ITK: variants seen among roughly 807,000 people sequenced by gnomAD.
ITK encodes the protein IL2 inducible T cell kinase.
A neutral mutation model predicts 87.6 loss-of-function variants in ITK; 45 were observed. That is an observed-to-expected ratio of 0.51 (90% CI 0.40 to 0.66). The LOEUF (loss-of-function observed/expected upper bound fraction) is 0.66. Ranked by LOEUF, ITK falls within the 30% of genes least tolerant of loss-of-function variation. The pLI is 0.00. For missense variants in ITK, 605 were observed against 766.3 expected (o/e 0.79, Z 2.48); for synonymous variants, 303 against 273.6 (o/e 1.11, Z -1.06).
At position 157,214,198 on chromosome 5, in the gene ITK, G is replaced by T; in HGVS notation, c.333G>T (p.Arg111Ser). Residue 111 changes from arginine to serine, a missense_variant, in exon 4 of 17, where the codon AGG becomes AGT. Physicochemically the swap from Arg to Ser is moderately radical, Grantham distance 110 (BLOSUM62 -1). Around this residue, in one of 3 missense-constraint regions of ITK, gnomAD observed 464 missense variants for 578.0 expected, o/e 0.80. Transcript: ENST00000422843. Reference protein sequence around the residue: ...RWVLALKEETRNNNSLVPKYH... With the variant: ...RWVLALKEETSNNNSLVPKYH... The stretch of plus-strand genomic sequence containing the variant: ...GGTGCCAACCTGTTTCAGAAACGAG[G>T]AATAATAACAGTTTGGTGCCTAAAT... The T allele has an allele frequency of 6.2e-7, 1 of 1,612,288 alleles. No homozygotes were observed. Among genetic ancestry groups the T allele is most frequent in the Non-Finnish European group, 8.5e-7 (1 of 1,178,356 alleles).
Position 157,208,949 on chromosome 5 carries a change from A to G in ITK, c.199A>G (p.Lys67Glu). ...CCGAATCAAATGTGTTGAGATTGTG[A>G]AAAGTGACATCAGCATCCCATGCCA... ...LSRIKCVEIV[K>E]SDISIPCHYK... Residue 67 changes from lysine (K) to glutamate (E), a missense_variant, in exon 2 of 17, where the codon AAA becomes GAA. Lys to Glu is a moderately conservative substitution (Grantham distance 56). This residue lies in a region of ITK where 464 missense variants were observed against 578.0 expected (regional missense o/e 0.80). Transcript: ENST00000422843. The G allele has an allele frequency of 6.2e-7, 1 of 1,614,064 alleles. No individual in the cohort carries two copies. Among genetic ancestry groups the G allele is most frequent in the Non-Finnish European group, 8.5e-7 (1 of 1,179,930 alleles).
At position 157,253,612 on chromosome 5, in the gene ITK, A is replaced by G. The variant is rs1580914734; in HGVS notation, c.*934A>G. The stretch of plus-strand genomic sequence containing the variant: ...AACATCCTTTTTTCCAGCCTCTGGG[A>G]ATCAGCCCCCCCTCTCTGCACTATC... On this transcript the variant is annotated 3_prime_UTR_variant, in exon 17 of 17. Coordinates refer to ENST00000422843, the MANE Select transcript of ITK (RefSeq NM_005546.4). 1 of 228,916 alleles carries G rather than the reference A, an allele frequency of 4.4e-6. No homozygotes were observed. Among genetic ancestry groups the G allele is most frequent in the Admixed American group, 5.7e-5 (1 of 17,622 alleles). 14.2% of individuals were successfully genotyped at this position (228,916 alleles called of 1,614,324 possible). A position where few individuals can be genotyped will look rare whatever the true frequency, so the allele number is the denominator to read the frequency against.
intron 1 of ITK, among the ~76,000 whole-genome samples, chr5:157,196,349 T>G (rs1382853388): frequency 6.6e-6 from 1 of 152,200 alleles, no homozygotes; most frequent in African/African-American, 2.4e-5. Context: ...TATGTTTTGA[T>G]CTTTGCTAAT....
intron 1 of ITK, among the ~76,000 whole-genome samples, chr5:157,204,341 G>A (rs1287731024): frequency 6.6e-6 from 1 of 151,998 alleles, no homozygotes; most frequent in African/African-American, 2.4e-5. Context: ...CGGGCAGATT[G>A]CCTGAGCTCA....
At position 157,252,813 on chromosome 5, in the gene ITK, A is replaced by C. The variant is rs1755169760; in HGVS notation, c.*135A>C. ...GCCTGGCCTGTGGCATCAGTCCCTG[A>C]GTCACCATGGAAGCAGCATCCTGAC... On this transcript the variant is annotated 3_prime_UTR_variant, in exon 17 of 17. Transcript: ENST00000422843. 1.4e-6 allele frequency: 1 copy of C among 737,126 alleles called. No homozygotes were observed. The highest frequency in any genetic ancestry group is 1.9e-5 in the Admixed American group (1 of 51,580). 45.7% of individuals were successfully genotyped at this position (737,126 alleles called of 1,614,324 possible). A position where few individuals can be genotyped will look rare whatever the true frequency, so the allele number is the denominator to read the frequency against.
intron 5 of ITK, among the ~76,000 whole-genome samples, chr5:157,221,020 G>A (rs1436804545): frequency 6.6e-6 from 1 of 151,744 alleles, no homozygotes; most frequent in Non-Finnish European, 1.5e-5. Flanking sequence ...CACCACACCT[G>A]GCTAACTTTT....
At chr5:157,214,058 A>C (rs1754247740) in intron 3 of ITK, 133 bp from the exon 4 acceptor site, 1 of 785,046 alleles carries the variant, frequency 1.3e-6, no homozygotes, top group Non-Finnish European at 2.3e-6. Context: ...AGATCAACCC[A>C]TGCTTCTGAG....
At chr5:157,240,529 G>T (rs1754869251) in intron 10 of ITK, 1 of 382,268 alleles carries the variant, frequency 2.6e-6, no homozygotes, top group Non-Finnish European at 4.9e-6. Context: ...GGGCACCTGG[G>T]TTAGACTTTT....
Position 157,245,401 on chromosome 5 carries a change from TC to T in ITK, c.1450-323del, listed in dbSNP as rs1755001379. The stretch of plus-strand genomic sequence containing the variant: ...TTTAGTCAACTGGGAGATGCTTTCT[TC>T]CTGTTATCCCTGATGTTAACATTTC... On this transcript the variant is annotated intron_variant, in intron 13 of 16. Transcript: ENST00000422843. The T allele has an allele frequency of 9.0e-6, 4 of 445,216 alleles. No individual in the cohort carries two copies. In the Admixed American group the frequency reaches 1.0e-4, roughly 11 times the overall value. 27.6% of individuals were successfully genotyped at this position (445,216 alleles called of 1,614,324 possible).
chr5:157,222,045 A>C (rs1339896604), intron 5 of ITK, among the ~76,000 whole-genome samples: 1 of 152,104 alleles, frequency 6.6e-6, no homozygotes, highest in Non-Finnish European at 1.5e-5. Flanking sequence ...CAAAATGACG[A>C]GACTCTTTTT....
intron 6 of ITK, 30 bp downstream of exon 6, chr5:157,223,044 T>A (rs753618550): frequency 1.9e-6 from 3 of 1,613,376 alleles, no homozygotes; most frequent in Middle Eastern, 1.7e-4. Context: ...GCTGTCCCCG[T>A]GTTTGAGGTG....
intron 1 of ITK, among the ~76,000 whole-genome samples, chr5:157,191,361 T>C (rs772850530): frequency 6.6e-6 from 1 of 152,036 alleles, no homozygotes; most frequent in African/African-American, 2.4e-5. Flanking sequence ...TGAGCTCAGA[T>C]AGACAGTAGC....
At position 157,241,636 on chromosome 5, in the gene ITK, A is replaced by G. The variant is rs757798734; in HGVS notation, c.986-10A>G. Reference sequence around the variant, plus strand: ...CTAACCACTGCTTCTTGGCTTTTCAATCAACCCAGGCCTGGTGACTCGACT... The same window carrying G: ...CTAACCACTGCTTCTTGGCTTTTCAGTCAACCCAGGCCTGGTGACTCGACT... On this transcript the variant is annotated splice_polypyrimidine_tract_variant and intron_variant, in intron 10 of 16. Coordinates refer to ENST00000422843, the MANE Select transcript of ITK (RefSeq NM_005546.4). 6.8e-6 allele frequency: 11 copies of G among 1,612,382 alleles called. No homozygotes were observed. Among genetic ancestry groups the G allele is most frequent in the Non-Finnish European group, 7.6e-6 (9 of 1,178,560 alleles).
chr5:157,211,834 T>C (rs1439695425), intron 3 of ITK, among the ~76,000 whole-genome samples: 1 of 152,212 alleles, frequency 6.6e-6, no homozygotes, highest in African/African-American at 2.4e-5. Context: ...TGCCTGTGCT[T>C]CAGTTTCCCA....
chr5:157,240,691 G>T (rs1242731860), intron 10 of ITK: 2 of 198,136 alleles, frequency 1.0e-5, no homozygotes, highest in Non-Finnish European at 2.1e-5. Flanking sequence ...AAGGCAAAAG[G>T]GGAGCAGGAG....
intron 5 of ITK, among the ~76,000 whole-genome samples, chr5:157,222,472 G>T (rs1754439017): frequency 6.6e-6 from 1 of 152,176 alleles, no homozygotes; most frequent in African/African-American, 2.4e-5. Flanking sequence ...AATAACCTAT[G>T]ATTCCGTAGA....
chr5:157,210,168 C>T (rs376157738), intron 2 of ITK, among the ~76,000 whole-genome samples: 5 of 152,236 alleles, frequency 3.3e-5, no homozygotes, highest in South Asian at 4.1e-4. Flanking sequence ...TCGTGATCGA[C>T]CCGCCTCGGC....
At position 157,252,731 on chromosome 5, in the gene ITK, T is replaced by C. The variant is rs1755168007; in HGVS notation, c.*53T>C. ...GCAGATCCTGAATGGAGGAAGGATA[T>C]GTCCTCATTCCATAGAGCATTAGAA... On this transcript the variant is annotated 3_prime_UTR_variant, in exon 17 of 17. Transcript: ENST00000422843. 16 of 1,341,778 alleles carry C rather than the reference T, an allele frequency of 1.2e-5. No individual in the cohort carries two copies. The highest frequency in any genetic ancestry group is 1.6e-5 in the Non-Finnish European group (15 of 931,716). 83.1% of individuals were successfully genotyped at this position (1,341,778 alleles called of 1,614,324 possible).
intron 10 of ITK, chr5:157,240,964 GT>G (rs1754883354): frequency 1.4e-5 from 2 of 141,344 alleles, no homozygotes; most frequent in Non-Finnish European, 3.0e-5. Context: ...TTGAGACAGA[GT>G]TTCGCTCTGT....
Sources: allele counts gnomAD v4.1 joint callset (sites outside exome capture counted in the v4.1 genomes callset), GRCh38; gene constraint gnomAD v4.1.1; regional missense constraint gnomAD v4.1.1; transcripts MANE v1.5; gene names NCBI Gene and HGNC (gene_info 2026-07-23, HGNC 2026-07-21).